MDGA2: variants seen among roughly 807,000 people sequenced by gnomAD.
MDGA2 encodes the protein MAM domain containing glycosylphosphatidylinositol anchor 2, also known as MAM domain-containing glycosylphosphatidylinositol anchor protein 2.
MDGA2 carries 40 observed loss-of-function variants against 117.8 expected under a neutral mutation model. The ratio of observed to expected loss-of-function variants is 0.34; its 90% confidence interval spans 0.26 to 0.44. MDGA2 has a LOEUF of 0.44. MDGA2 is among the 20% of genes least tolerant of loss of function. The pLI is 1.00. For synonymous variants in MDGA2, 452 were observed against 439.0 expected (o/e 1.03, Z -0.37); for missense variants, 1,123 against 1,250.6 (o/e 0.90, Z 1.54).
At chr14:47,669,384 CT>C (rs1898035093) in intron 1 of MDGA2, among the ~76,000 whole-genome samples, 1 of 152,172 alleles carries the variant, frequency 6.6e-6, no homozygotes, top group African/African-American at 2.4e-5. Flanking sequence ...ATTGTCTAAA[CT>C]CTGGCACTCT....
intron 1 of MDGA2, among the ~76,000 whole-genome samples, chr14:47,656,032 A>G (rs1897736842): frequency 6.6e-6 from 1 of 152,196 alleles, no homozygotes; most frequent in African/African-American, 2.4e-5. Context: ...ATATAGAATT[A>G]CAAATCACTT....
intron 2 of MDGA2, among the ~76,000 whole-genome samples, chr14:47,263,479 C>A (rs954789167): frequency 2.6e-5 from 4 of 152,046 alleles, no homozygotes; most frequent in Non-Finnish European, 4.4e-5. Flanking sequence ...TTAGAAAAGT[C>A]TTTGATCTAC....
intron 15 of MDGA2, among the ~76,000 whole-genome samples, chr14:46,850,783 A>T (rs1027996548): frequency 2.0e-5 from 3 of 151,866 alleles, no homozygotes; most frequent in Non-Finnish European, 4.4e-5. Context: ...CTTGTGGGAC[A>T]AATGTCAATT....
intron 1 of MDGA2, among the ~76,000 whole-genome samples, chr14:47,569,973 G>A (rs2138818407): frequency 6.6e-6 from 1 of 152,164 alleles, no homozygotes; most frequent in Admixed American, 6.5e-5. Context: ...AAAATGTTTA[G>A]GCAAAATAAA....
At chr14:46,965,274 G>A (rs1004256200) in intron 8 of MDGA2, among the ~76,000 whole-genome samples, 6 of 151,688 alleles carry the variant, frequency 4.0e-5, no homozygotes, top group Non-Finnish European at 7.4e-5. Context: ...GAAAGTATCC[G>A]ACTTAATGAA....
intron 1 of MDGA2, among the ~76,000 whole-genome samples, chr14:47,527,775 T>C (rs1162023459): frequency 2.6e-5 from 4 of 152,152 alleles, no homozygotes; most frequent in African/African-American, 4.8e-5. Flanking sequence ...ACAGCAGTGG[T>C]GGCAATGCCA....
intron 8 of MDGA2, among the ~76,000 whole-genome samples, chr14:46,981,175 G>C (rs1007234080): frequency 3.3e-5 from 5 of 149,592 alleles, no homozygotes; most frequent in Admixed American, 2.0e-4. Flanking sequence ...AGGCCAAGGG[G>C]GGGGCGGATC....
Position 47,326,998 on chromosome 14 carries a change from G to A in MDGA2, c.281-25448C>T, listed in dbSNP as rs542065844. Among the ~76,000 whole-genome samples, 397 of 152,180 alleles carry A rather than the reference G, an allele frequency of 2.6e-3. 2 individuals carry two copies. Among genetic ancestry groups the A allele is most frequent in the African/African-American group, 9.3e-3 (386 of 41,546 alleles). ...GGAGAGGATGGAGTTGAGAAACAGCGAGGAGTGTGAAAGACTCTGGAACTA... is the reference window on the plus strand; with the variant it reads ...GGAGAGGATGGAGTTGAGAAACAGCAAGGAGTGTGAAAGACTCTGGAACTA... On this transcript the variant is annotated intron_variant, in intron 1 of 16. Transcript: ENST00000399232.
intron 1 of MDGA2, among the ~76,000 whole-genome samples, chr14:47,364,431 A>AT (rs1386539177): frequency 6.6e-6 from 1 of 151,936 alleles, no homozygotes; most frequent in Non-Finnish European, 1.5e-5. Flanking sequence ...CGCCCAGCTA[A>AT]TTTTTTGTAT....
At chr14:46,900,637 T>G (rs1883248583) in intron 10 of MDGA2, among the ~76,000 whole-genome samples, 1 of 152,166 alleles carries the variant, frequency 6.6e-6, no homozygotes, top group Non-Finnish European at 1.5e-5. Context: ...ATTCCATTTC[T>G]GTAACAACTG....
intron 8 of MDGA2, among the ~76,000 whole-genome samples, chr14:46,960,824 G>A (rs1885771319): frequency 6.8e-6 from 1 of 147,830 alleles, no homozygotes; most frequent in African/African-American, 2.5e-5. Flanking sequence ...ATATACATAT[G>A]TGTACATATA....
At position 46,957,435 on chromosome 14, in the gene MDGA2, C is replaced by G; in HGVS notation, c.2028G>C (p.Gly676=). The G allele has an allele frequency of 6.2e-7, 1 of 1,614,090 alleles. No homozygotes were observed. Among genetic ancestry groups the G allele is most frequent in the Non-Finnish European group, 8.5e-7 (1 of 1,180,004 alleles). Residue 676 remains glycine, a synonymous_variant, in exon 9 of 17, where the codon GGG becomes GGC. Coordinates refer to ENST00000399232, the MANE Select transcript of MDGA2 (RefSeq NM_001113498.3). ...CATTTATGATGCTACAGTTATAAAC[C>G]CCATAGTTTTCATTGGAAAGACTCT... ...AVKSLSNENY[G]VYNCSIINEA... is the part of the protein sequence containing the mutation.
intron 2 of MDGA2, among the ~76,000 whole-genome samples, chr14:47,297,110 T>C (rs186300901): frequency 6.6e-6 from 1 of 152,308 alleles, no homozygotes; most frequent in African/African-American, 2.4e-5. Flanking sequence ...CTTGGTGTTT[T>C]GGACACATGG....
intron 1 of MDGA2, among the ~76,000 whole-genome samples, chr14:47,520,740 A>G (rs1310996554): frequency 1.3e-5 from 2 of 152,204 alleles, no homozygotes; most frequent in Admixed American, 1.3e-4. Flanking sequence ...ATGAATGTAC[A>G]CTTTAGAACA....
intron 14 of MDGA2, among the ~76,000 whole-genome samples, chr14:46,862,147 T>C (rs1455073164): frequency 6.6e-6 from 1 of 151,936 alleles, no homozygotes. Flanking sequence ...TCAAATTCTA[T>C]AGTTCTAGAA....
intron 1 of MDGA2, among the ~76,000 whole-genome samples, chr14:47,349,224 T>A (rs1012417304): frequency 4.6e-5 from 7 of 152,204 alleles, no homozygotes; most frequent in African/African-American, 1.2e-4. Flanking sequence ...CAGAGGGCAG[T>A]AAAGTTTACC....
chr14:47,396,916 C>T (rs1343973414), intron 1 of MDGA2, among the ~76,000 whole-genome samples: 1 of 152,120 alleles, frequency 6.6e-6, no homozygotes, highest in East Asian at 1.9e-4. Context: ...TTGTGGAAGA[C>T]AGTGTGGCGA....
intron 9 of MDGA2, among the ~76,000 whole-genome samples, chr14:46,940,178 T>C (rs899950713): frequency 2.6e-5 from 4 of 152,092 alleles, no homozygotes; most frequent in African/African-American, 7.2e-5. Context: ...TTTGAAAGTA[T>C]TGTCGACTCA....
At chr14:47,051,849 T>A (rs1030206774) in intron 7 of MDGA2, among the ~76,000 whole-genome samples, 1 of 151,916 alleles carries the variant, frequency 6.6e-6, no homozygotes, top group African/African-American at 2.4e-5. Context: ...AGGTTAGTAG[T>A]GTCATCTGTG....
Sources: allele counts gnomAD v4.1 joint callset (sites outside exome capture counted in the v4.1 genomes callset), GRCh38; gene constraint gnomAD v4.1.1; transcripts MANE v1.5; gene names NCBI Gene and HGNC (gene_info 2026-07-23, HGNC 2026-07-21).